PDPK1: variants seen among roughly 807,000 people sequenced by gnomAD.
The protein encoded by PDPK1 is 3-phosphoinositide-dependent protein kinase 1.
PDPK1 carries 7 observed loss-of-function variants against 39.8 expected under a neutral mutation model. That is an observed-to-expected ratio of 0.18 (90% CI 0.10 to 0.33). The LOEUF is 0.33. Among genes scored for constraint, PDPK1 ranks in the 10% least tolerant of loss-of-function variants. The pLI is 1.00. For synonymous variants in PDPK1, 118 were observed against 159.1 expected (o/e 0.74, Z 1.95); for missense variants, 182 against 384.7 (o/e 0.47, Z 4.41).
intron 11 of PDPK1, among the ~76,000 whole-genome samples, chr16:2,589,384 C>T (rs962989940): frequency 3.9e-5 from 6 of 152,098 alleles, no homozygotes; most frequent in Non-Finnish European, 1.5e-5. Flanking sequence ...CTGAAGTTTT[C>T]CTTGTGCCTA....
chr16:2,543,898 T>TG, intron 1 of PDPK1, among the ~76,000 whole-genome samples: 1 of 151,202 alleles, frequency 6.6e-6, no homozygotes, highest in Non-Finnish European at 1.5e-5. Context: ...ATTTTTTTTT[T>TG]TTTTTTTTGT....
chr16:2,584,943 A>G (rs971420026), intron 10 of PDPK1, among the ~76,000 whole-genome samples: 15 of 152,190 alleles, frequency 9.9e-5, no homozygotes, highest in African/African-American at 3.1e-4. Context: ...TACGGCTGGC[A>G]GGTGCCACGG....
At chr16:2,580,391 C>T (rs866637212) in intron 7 of PDPK1, among the ~76,000 whole-genome samples, 4 of 146,560 alleles carry the variant, frequency 2.7e-5, no homozygotes, top group Non-Finnish European at 4.5e-5. Flanking sequence ...CTCTAGTGGG[C>T]GAGACGGGGT....
chr16:2,538,957 C>G (rs1415141342), intron 1 of PDPK1: 4 of 379,106 alleles, frequency 1.1e-5, no homozygotes, highest in South Asian at 2.2e-5. Context: ...GCCTTGTATG[C>G]GATGTGCAGT....
rs746864089 is a variant in PDPK1 at position 2,597,302 on chromosome 16, G to A, written c.1554+27G>A. On this transcript the variant is annotated intron_variant, in intron 13 of 13. Coordinates refer to ENST00000342085, the MANE Select transcript of PDPK1 (RefSeq NM_002613.5). The surrounding 1 kb of genome is among the most constrained non-coding windows in gnomAD (Gnocchi z 6.3). ...TGAGTCTGTTCCCAGGGATTTCTGT[G>A]TGCAGGGTAATGGGAGGGCTTTGCA... The A allele has an allele frequency of 1.3e-6, 2 of 1,560,082 alleles. No individual in the cohort carries two copies. The highest frequency in any genetic ancestry group is 1.4e-5 in the African/African-American group (1 of 73,542).
At chr16:2,569,639 G>GA (rs2066660742) in intron 6 of PDPK1, among the ~76,000 whole-genome samples, 1 of 145,490 alleles carries the variant, frequency 6.9e-6, no homozygotes, top group Non-Finnish European at 1.6e-5. Flanking sequence ...CTTGTTTGAG[G>GA]AAAAGGAAAA....
intron 1 of PDPK1, chr16:2,539,071 G>T: frequency 5.1e-6 from 1 of 195,174 alleles, no homozygotes; most frequent in Non-Finnish European, 1.0e-5. Flanking sequence ...TGTCTTCCAG[G>T]ATGCGGCTTT....
intron 1 of PDPK1, among the ~76,000 whole-genome samples, chr16:2,542,393 A>G (rs1341151751): frequency 6.6e-6 from 1 of 152,158 alleles, no homozygotes; most frequent in African/African-American, 2.4e-5. Context: ...TTCTGGTCTC[A>G]AGGGATCCTC....
In PDPK1 at chr16:2,590,430, T is replaced by C. The variant is rs1460244308; in HGVS notation, c.1343+3537T>C. On this transcript the variant is annotated intron_variant, in intron 11 of 13. Transcript: ENST00000342085. The stretch of plus-strand genomic sequence containing the variant: ...AGAAACCAGTCTCGCTTCTGAGCCT[T>C]TGTTAAAAATGTTGAATGTTGTGAA... Among the ~76,000 whole-genome samples the C allele has an allele frequency of 2.0e-5, 3 of 152,178 alleles. No homozygotes were observed. The East Asian group carries it at 5.8e-4, about 29-fold the overall frequency.
At chr16:2,597,000 G>A (rs929197866) in intron 12 of PDPK1, 123 bp from the exon 13 acceptor site, 9 of 613,976 alleles carry the variant, frequency 1.5e-5, no homozygotes, top group African/African-American at 3.7e-5. Flanking sequence ...CTGGGTGAGT[G>A]CACAGGTGGT....
Position 2,593,124 on chromosome 16 carries a change from C to T in PDPK1, c.1344-2669C>T, listed in dbSNP as rs60087715. Reference sequence around the variant, plus strand: ...TCCTCCCCAGGCTGCAGGTGCCGAGCGGGAGCACCACTCCTGCACGCCCGT... The same window carrying T: ...TCCTCCCCAGGCTGCAGGTGCCGAGTGGGAGCACCACTCCTGCACGCCCGT... On this transcript the variant is annotated intron_variant, in intron 11 of 13. Coordinates refer to ENST00000342085, the MANE Select transcript of PDPK1 (RefSeq NM_002613.5). This position sits in a 1 kb window ranked among gnomAD's most constrained non-coding sequence, Gnocchi z 4.2. The T allele has an allele frequency of 8.4e-3, 3,841 of 455,054 alleles. 132 individuals carry two copies. Among genetic ancestry groups the T allele is most frequent in the African/African-American group, 0.071 (3,545 of 50,096 alleles). The allele number at this position is 455,054 out of a possible 1,614,324, so 28.2% of individuals were successfully genotyped here.
intron 1 of PDPK1, among the ~76,000 whole-genome samples, chr16:2,547,091 G>C (rs1597022992): frequency 6.7e-6 from 1 of 149,426 alleles, no homozygotes; most frequent in South Asian, 2.1e-4. Flanking sequence ...TGGAGCGCTG[G>C]CTTTGCTCAG....
chr16:2,546,472 T>G (rs540460110), intron 1 of PDPK1, among the ~76,000 whole-genome samples: 185 of 152,292 alleles, frequency 1.2e-3, no homozygotes, highest in African/African-American at 4.2e-3. Flanking sequence ...TAGCTGGGAT[T>G]ACAGGCTCCT....
At chr16:2,592,517 T>C in intron 11 of PDPK1, 3 of 327,220 alleles carry the variant, frequency 9.2e-6, no homozygotes, top group South Asian at 7.0e-5. Flanking sequence ...CTACTAAAAT[T>C]ACCAAAAATT....
In PDPK1 at chr16:2,599,166, G is replaced by A. The variant is rs1282053550; in HGVS notation, c.*1399G>A. On this transcript the variant is annotated 3_prime_UTR_variant, in exon 14 of 14. Coordinates refer to ENST00000342085, the MANE Select transcript of PDPK1 (RefSeq NM_002613.5). ...AGAGAGTGCTCCTGGTGGCCTGGCAGGTCTGGGCCCTTCTCTCCCTGCCCA... is the reference window on the plus strand; with the variant it reads ...AGAGAGTGCTCCTGGTGGCCTGGCAAGTCTGGGCCCTTCTCTCCCTGCCCA... 1 of 233,362 alleles carries A rather than the reference G, an allele frequency of 4.3e-6. No individual in the cohort carries two copies. Among genetic ancestry groups the A allele is most frequent in the Non-Finnish European group, 8.5e-6 (1 of 118,182 alleles). The allele number at this position is 233,362 out of a possible 1,614,324, so 14.5% of individuals were successfully genotyped here.
At chr16:2,542,390 C>T (rs1294981685) in intron 1 of PDPK1, among the ~76,000 whole-genome samples, 3 of 152,118 alleles carry the variant, frequency 2.0e-5, no homozygotes, top group Admixed American at 6.5e-5. Flanking sequence ...AACTTCTGGT[C>T]TCAAGGGATC....
chr16:2,555,668 A>AT (rs1290286894), intron 1 of PDPK1: 1 of 65,500 alleles, frequency 1.5e-5, no homozygotes, highest in Admixed American at 1.7e-4. Flanking sequence ...CCCCATCTCT[A>AT]TTTTTTCAAA....
chr16:2,540,517 G>A (rs1339626005), intron 1 of PDPK1, among the ~76,000 whole-genome samples: 2 of 152,174 alleles, frequency 1.3e-5, no homozygotes, highest in Non-Finnish European at 2.9e-5. Flanking sequence ...GGGAGGGTCT[G>A]CCGGGCAGCT....
In PDPK1 at chr16:2,593,081, A is replaced by G. The variant is rs1259226263; in HGVS notation, c.1344-2712A>G. On this transcript the variant is annotated intron_variant, in intron 11 of 13. Coordinates refer to ENST00000342085, the MANE Select transcript of PDPK1 (RefSeq NM_002613.5). This position sits in a 1 kb window ranked among gnomAD's most constrained non-coding sequence, Gnocchi z 4.2. ...AGGCTACTTCTCAGTACTATTTCCGAATCGCTTCCTCAGTGAGTCCTCCCC... is the reference window on the plus strand; with the variant it reads ...AGGCTACTTCTCAGTACTATTTCCGGATCGCTTCCTCAGTGAGTCCTCCCC... The G allele has an allele frequency of 2.2e-6, 1 of 456,098 alleles. No individual in the cohort carries two copies. Among genetic ancestry groups the G allele is most frequent in the Non-Finnish European group, 4.4e-6 (1 of 226,936 alleles). 28.3% of individuals were successfully genotyped at this position (456,098 alleles called of 1,614,324 possible). A position where few individuals can be genotyped will look rare whatever the true frequency, so the allele number is the denominator to read the frequency against.
Sources: allele counts gnomAD v4.1 joint callset (sites outside exome capture counted in the v4.1 genomes callset), GRCh38; gene constraint gnomAD v4.1.1; non-coding constraint Gnocchi (gnomAD v3.1); transcripts MANE v1.5; gene names NCBI Gene and HGNC (gene_info 2026-07-23, HGNC 2026-07-21).